Variants in XKR9 observed in about 807,000 individuals in gnomAD.
XKR9 encodes XK related 9.
In XKR9, 32 loss-of-function variants were observed where a neutral mutation model predicts 32.0. That is an observed-to-expected ratio of 1.00 (90% CI 0.76 to 1.34). The LOEUF is 1.34. Among genes scored for constraint, XKR9 ranks in the 40% most tolerant of loss-of-function variants. The pLI is 0.00. For synonymous variants in XKR9, 168 were observed against 143.4 expected, an observed-to-expected ratio of 1.17 and a Z score of -1.22; for missense variants, 546 against 429.7, an observed-to-expected ratio of 1.27 and a Z score of -2.39.
chr8:70,920,473 A>AT, the XKR9 span, among the ~76,000 whole-genome samples: 12,728 of 152,230 alleles, frequency 0.084, 607 homozygotes, highest in African/African-American at 0.097. Context: ...TGAAAAAAAT[A>AT]TTTTTTGATC....
At chr8:70,811,274 G>A in the XKR9 span, among the ~76,000 whole-genome samples, 2 of 152,022 alleles carry the variant, frequency 1.3e-5, 1 homozygote, top group South Asian at 4.1e-4. Context: ...CAGAATCTCT[G>A]GGACACATTC....
At chr8:70,919,543 G>A in the XKR9 span, among the ~76,000 whole-genome samples, 1 of 152,186 alleles carries the variant, frequency 6.6e-6, no homozygotes, top group Admixed American at 6.5e-5. Context: ...GGGTACTCCA[G>A]GATAGCGCTT....
intron 4 of XKR9, among the ~76,000 whole-genome samples, chr8:70,708,478 A>G (rs1054364157): frequency 6.6e-6 from 1 of 152,124 alleles, no homozygotes; most frequent in African/African-American, 2.4e-5. Context: ...TAAATAAATT[A>G]TTGTAGGTTG....
At chr8:70,926,336 G>A in the XKR9 span, among the ~76,000 whole-genome samples, 1 of 152,298 alleles carries the variant, frequency 6.6e-6, no homozygotes, top group South Asian at 2.1e-4. Flanking sequence ...CTCCCAAAAT[G>A]TTGGGATTAC....
rs541229399 is a variant in XKR9 at position 70,679,735 on chromosome 8, C to G, written c.-278-1046C>G. On this transcript the variant is annotated intron_variant, in intron 2 of 4. Coordinates refer to ENST00000408926, the MANE Select transcript of XKR9 (RefSeq NM_001011720.2). ...AAAACCACCACTGAGTCAGACAAAT[C>G]TTGTATGCAGATTGTGTTCATTCAG... 2.0e-5 allele frequency among the ~76,000 whole-genome samples: 3 copies of G among 152,202 alleles called. No homozygotes were observed. In the South Asian group the frequency reaches 6.2e-4, roughly 32 times the overall value.
At chr8:70,888,939 C>A in the XKR9 span, among the ~76,000 whole-genome samples, 6 of 151,908 alleles carry the variant, frequency 3.9e-5, no homozygotes, top group Non-Finnish European at 7.4e-5. Context: ...TATTCAGAGT[C>A]TTTTGTAGTT....
intron 2 of XKR9, among the ~76,000 whole-genome samples, chr8:70,758,180 C>T (rs975877032): frequency 7.5e-5 from 10 of 133,748 alleles, no homozygotes; most frequent in African/African-American, 2.3e-4. Context: ...TATATGACCC[C>T]TGCCCCTACG....
rs142789150 is a variant in XKR9 at position 70,677,369 on chromosome 8, A to C, written c.-279+2470A>C. 9.0e-3 allele frequency among the ~76,000 whole-genome samples: 1,373 copies of C among 152,052 alleles called. 21 individuals carry two copies. The highest frequency in any genetic ancestry group is 0.01 in the Middle Eastern group (3 of 292). Reference sequence around the variant, plus strand: ...CACCATGTTGCCCAGGCTGGTCTTGAACTCCTGGACTCAAGTGATCTGCCT... The same window carrying C: ...CACCATGTTGCCCAGGCTGGTCTTGCACTCCTGGACTCAAGTGATCTGCCT... On this transcript the variant is annotated intron_variant, in intron 2 of 4. Coordinates refer to ENST00000408926, the MANE Select transcript of XKR9 (RefSeq NM_001011720.2).
chr8:70,976,653 C>T, the XKR9 span, among the ~76,000 whole-genome samples: 61 of 152,286 alleles, frequency 4.0e-4, no homozygotes, highest in Non-Finnish European at 7.9e-4. Context: ...CATCAATGTT[C>T]AACAGGGATA....
At chr8:70,976,811 A>G in the XKR9 span, among the ~76,000 whole-genome samples, 6 of 152,068 alleles carry the variant, frequency 3.9e-5, no homozygotes. Context: ...TCCTGTTTGT[A>G]CCTGTGGTAG....
the XKR9 span, among the ~76,000 whole-genome samples, chr8:71,029,034 G>A: frequency 4.3e-4 from 66 of 152,100 alleles, no homozygotes; most frequent in Non-Finnish European, 7.6e-4. Flanking sequence ...TCCTTCTGTC[G>A]TAATCCCTCC....
intron 2 of XKR9, among the ~76,000 whole-genome samples, chr8:70,761,308 A>G (rs78082890): frequency 1.3e-5 from 2 of 152,198 alleles, no homozygotes; most frequent in South Asian, 4.1e-4. Context: ...ACAATGGTTG[A>G]ACTAATTTAC....
chr8:70,886,213 C>T, the XKR9 span, among the ~76,000 whole-genome samples: 1 of 152,194 alleles, frequency 6.6e-6, no homozygotes, highest in Non-Finnish European at 1.5e-5. Flanking sequence ...CTGCAAAGGA[C>T]ATGAACTCAT....
chr8:70,781,264 G>T (rs760329486), intron 2 of XKR9, among the ~76,000 whole-genome samples: 16 of 151,618 alleles, frequency 1.1e-4, no homozygotes, highest in Non-Finnish European at 1.5e-5. Flanking sequence ...TTTTAAATTG[G>T]GTTATTTGTC....
At chr8:70,742,818 A>G (rs1292785709) in intron 2 of XKR9, among the ~76,000 whole-genome samples, 1 of 152,042 alleles carries the variant, frequency 6.6e-6, no homozygotes, top group East Asian at 1.9e-4. Context: ...TTCTCTAGCT[A>G]TTCTTGAGAT....
At chr8:70,949,482 T>TA in the XKR9 span, among the ~76,000 whole-genome samples, 1 of 151,856 alleles carries the variant, frequency 6.6e-6, no homozygotes, top group Admixed American at 6.6e-5. Context: ...TAATATAAAT[T>TA]AAATCTTAAT....
chr8:70,989,867 C>T, the XKR9 span, among the ~76,000 whole-genome samples: 1 of 152,178 alleles, frequency 6.6e-6, no homozygotes, highest in African/African-American at 2.4e-5. Context: ...CCCTAATAAC[C>T]TCTGATGTAC....
the XKR9 span, among the ~76,000 whole-genome samples, chr8:70,864,315 T>G: frequency 1.3e-5 from 2 of 152,152 alleles, no homozygotes; most frequent in African/African-American, 2.4e-5. Flanking sequence ...ATGTCTTGAG[T>G]GTTTTAAGAA....
chr8:70,754,527 A>C (rs1807189173), intron 2 of XKR9, among the ~76,000 whole-genome samples: 2 of 137,196 alleles, frequency 1.5e-5, no homozygotes, highest in South Asian at 4.5e-4. Context: ...CTATAAGGCT[A>C]CAGTAACCAA....
Sources: gnomAD v4.1 joint callset for allele counts (sites outside exome capture counted in the v4.1 genomes callset) on GRCh38, gnomAD v4.1.1 for gene constraint, MANE v1.5 for transcripts, NCBI Gene and HGNC (gene_info 2026-07-23, HGNC 2026-07-21) for gene names.